LY86: variants seen among roughly 807,000 people sequenced by gnomAD.
The protein encoded by LY86 is lymphocyte antigen 86, also known as MD-1, RP105-associated.
A neutral mutation model predicts 17.3 loss-of-function variants in LY86; 20 were observed. That is an observed-to-expected ratio of 1.15 (90% CI 0.81 to 1.68). The LOEUF (loss-of-function observed/expected upper bound fraction) is 1.68. Among genes scored for constraint, LY86 ranks in the 40% most tolerant of loss-of-function variants. LY86 has a pLI of 0.00. For synonymous variants in LY86, 74 were observed against 70.6 expected (o/e 1.05, Z -0.24); for missense variants, 200 against 191.9 (o/e 1.04, Z -0.25).
At chr6:6,614,460 A>C (rs1202379187) in intron 1 of LY86, among the ~76,000 whole-genome samples, 1 of 150,810 alleles carries the variant, frequency 6.6e-6, no homozygotes, top group East Asian at 2.0e-4. Flanking sequence ...AGCTCCCGCG[A>C]GCCTGCAGGC....
intron 3 of LY86, among the ~76,000 whole-genome samples, chr6:6,633,078 T>A (rs753645314): frequency 3.9e-5 from 6 of 152,204 alleles, no homozygotes; most frequent in African/African-American, 1.4e-4. Context: ...GTCAGGAAGA[T>A]GAAAGTGAAA....
intron 1 of LY86, among the ~76,000 whole-genome samples, chr6:6,608,308 AATTT>A (rs1175618777): frequency 6.6e-6 from 1 of 152,262 alleles, no homozygotes; most frequent in Non-Finnish European, 1.5e-5. Context: ...TTGAATTAGC[AATTT>A]ATTTGGGGAC....
chr6:6,610,884 C>A (rs999355746), intron 1 of LY86, among the ~76,000 whole-genome samples: 1 of 152,204 alleles, frequency 6.6e-6, no homozygotes, highest in African/African-American at 2.4e-5. Context: ...ACGGTGGAAA[C>A]TCTTTCTGAC....
Position 6,630,119 on chromosome 6 carries a change from G to A in LY86, c.352+3698G>A, listed in dbSNP as rs899437244. Among the ~76,000 whole-genome samples, 6 of 152,182 alleles carry A rather than the reference G, an allele frequency of 3.9e-5. No individual in the cohort carries two copies. The Middle Eastern group carries it at 0.017, about 431-fold the overall frequency. ...TATTTTTGTCTTTTTTGGAAATCTC[G>A]CTTGCTTTTATGATAAATTTGCAAG... On this transcript the variant is annotated intron_variant, in intron 3 of 4. Transcript: ENST00000230568.
chr6:6,631,006 TTAA>T (rs1275276557), intron 3 of LY86, among the ~76,000 whole-genome samples: 31 of 152,228 alleles, frequency 2.0e-4, no homozygotes, highest in South Asian at 1.0e-3. Context: ...TGATAAGATA[TTAA>T]TATTATATTA....
At chr6:6,620,301 T>C (rs1761644495) in intron 1 of LY86, among the ~76,000 whole-genome samples, 1 of 152,208 alleles carries the variant, frequency 6.6e-6, no homozygotes, top group Non-Finnish European at 1.5e-5. Flanking sequence ...TGTATCTTTT[T>C]GCAACTTCCT....
At chr6:6,611,178 T>C (rs1191382605) in intron 1 of LY86, among the ~76,000 whole-genome samples, 3 of 152,208 alleles carry the variant, frequency 2.0e-5, no homozygotes, top group Non-Finnish European at 4.4e-5. Flanking sequence ...CACAACTGAC[T>C]TGATTTTATG....
At chr6:6,622,243 C>T (rs1761697940) in intron 1 of LY86, among the ~76,000 whole-genome samples, 1 of 152,168 alleles carries the variant, frequency 6.6e-6, no homozygotes, top group Non-Finnish European at 1.5e-5. Flanking sequence ...CCTTCTCCCG[C>T]CCTTAGTTGA....
intron 1 of LY86, among the ~76,000 whole-genome samples, chr6:6,612,291 G>A (rs986590502): frequency 4.6e-5 from 7 of 152,160 alleles, no homozygotes; most frequent in Non-Finnish European, 7.4e-5. Flanking sequence ...TTTCTCGTGG[G>A]TTAGTGGCCT....
At chr6:6,642,788 C>T (rs74783555) in intron 3 of LY86, among the ~76,000 whole-genome samples, 7,664 of 152,254 alleles carry the variant, frequency 0.05, 261 homozygotes, top group African/African-American at 0.087. Flanking sequence ...CTGGTTCTCT[C>T]GGGAAATACC....
chr6:6,637,115 C>T (rs373029161), intron 3 of LY86, among the ~76,000 whole-genome samples: 11 of 150,748 alleles, frequency 7.3e-5, no homozygotes, highest in African/African-American at 2.0e-4. Flanking sequence ...CAGGTTCATG[C>T]CATTCTCCTG....
chr6:6,593,642 CTG>C (rs1561773715), intron 1 of LY86, among the ~76,000 whole-genome samples: 1 of 152,214 alleles, frequency 6.6e-6, no homozygotes, highest in African/African-American at 2.4e-5. Flanking sequence ...ATAATAGACT[CTG>C]AGCTTCCTTG....
At chr6:6,592,830 C>T (rs1381497302) in intron 1 of LY86, among the ~76,000 whole-genome samples, 2 of 152,296 alleles carry the variant, frequency 1.3e-5, no homozygotes, top group East Asian at 3.9e-4. Context: ...TCTGAGAAAT[C>T]AATGTTGGCT....
At chr6:6,620,839 GA>G (rs1761656360) in intron 1 of LY86, 1 of 152,270 alleles carries the variant, frequency 6.6e-6, no homozygotes, top group Non-Finnish European at 1.5e-5. Context: ...GAATGTCCAA[GA>G]AAACTTTTCT....
chr6:6,592,716 T>G (rs562630923), intron 1 of LY86, among the ~76,000 whole-genome samples: 1 of 152,282 alleles, frequency 6.6e-6, no homozygotes, highest in Non-Finnish European at 1.5e-5. Context: ...TTTCACCACA[T>G]GAGGACACAA....
chr6:6,616,891 C>A (rs972528507), intron 1 of LY86, among the ~76,000 whole-genome samples: 1 of 152,170 alleles, frequency 6.6e-6, no homozygotes, highest in Non-Finnish European at 1.5e-5. Flanking sequence ...GCGTAAGAAC[C>A]GCAGACATGA....
intron 1 of LY86, among the ~76,000 whole-genome samples, chr6:6,599,514 G>C (rs1475954353): frequency 2.0e-5 from 3 of 152,196 alleles, no homozygotes; most frequent in Admixed American, 6.5e-5. Flanking sequence ...ATGTCAGCTT[G>C]ATGTCCTGTG....
intron 3 of LY86, 148 bp downstream of exon 3, chr6:6,626,569 A>T (rs549506869): frequency 2.4e-6 from 2 of 834,970 alleles, no homozygotes; most frequent in Non-Finnish European, 3.7e-6. Context: ...CATGTGTTGC[A>T]GAAAAATAAC....
chr6:6,649,192 T>C (rs1049236522), intron 3 of LY86, among the ~76,000 whole-genome samples: 5 of 152,140 alleles, frequency 3.3e-5, no homozygotes, highest in Non-Finnish European at 7.4e-5. Flanking sequence ...TATAAAACCA[T>C]CAGATCTCAT....
Sources: allele counts gnomAD v4.1 joint callset (sites outside exome capture counted in the v4.1 genomes callset), GRCh38; gene constraint gnomAD v4.1.1; transcripts MANE v1.5; gene names NCBI Gene and HGNC (gene_info 2026-07-23, HGNC 2026-07-21).